B3GLCT: variants seen among roughly 807,000 people sequenced by gnomAD.
The protein encoded by B3GLCT is beta 3-glucosyltransferase.
In B3GLCT, 65 loss-of-function variants were observed where a neutral mutation model predicts 63.4. That is an observed-to-expected ratio of 1.03 (90% CI 0.84 to 1.26). The LOEUF (loss-of-function observed/expected upper bound fraction) is 1.26. Among genes scored for constraint, B3GLCT ranks in the 50% most tolerant of loss-of-function variants. B3GLCT has a pLI of 0.00. For synonymous variants in B3GLCT, 233 were observed against 219.2 expected, an observed-to-expected ratio of 1.06 and a Z score of -0.55; for missense variants, 577 against 604.8, an observed-to-expected ratio of 0.95 and a Z score of 0.48.
chr13:31,222,074 A>ATTT (rs5802597), intron 2 of B3GLCT, among the ~76,000 whole-genome samples: 58 of 92,952 alleles, frequency 6.2e-4, no homozygotes, highest in African/African-American at 2.2e-3. Context: ...TGTGCTCCTG[A>ATTT]TTTTTTTTTT....
chr13:31,282,697 G>A (rs1408947560), intron 10 of B3GLCT, among the ~76,000 whole-genome samples: 2 of 151,876 alleles, frequency 1.3e-5, no homozygotes, highest in East Asian at 3.9e-4. Flanking sequence ...TATTGACAAG[G>A]GGAGAGATGT....
At chr13:31,241,333 T>G (rs974930401) in intron 4 of B3GLCT, among the ~76,000 whole-genome samples, 1 of 152,162 alleles carries the variant, frequency 6.6e-6, no homozygotes, top group African/African-American at 2.4e-5. Context: ...ACCCCAAGAA[T>G]CAGGTAGCTT....
chr13:31,292,875 T>G (rs1873751196), intron 12 of B3GLCT, among the ~76,000 whole-genome samples: 1 of 152,134 alleles, frequency 6.6e-6, no homozygotes, highest in Admixed American at 6.6e-5. Flanking sequence ...TGCTCTTTCT[T>G]CTCTAGTTCT....
At chr13:31,287,857 G>A (rs1206732790) in intron 12 of B3GLCT, among the ~76,000 whole-genome samples, 1 of 152,130 alleles carries the variant, frequency 6.6e-6, no homozygotes, top group Non-Finnish European at 1.5e-5. Context: ...CTTGATTGAG[G>A]TGAAAAACCC....
intron 8 of B3GLCT, among the ~76,000 whole-genome samples, chr13:31,271,706 A>G (rs1236964895): frequency 6.6e-6 from 1 of 152,072 alleles, no homozygotes; most frequent in Non-Finnish European, 1.5e-5. Flanking sequence ...TGCTTTTCAG[A>G]TATTTTCTTC....
intron 6 of B3GLCT, among the ~76,000 whole-genome samples, chr13:31,249,074 C>T (rs559100308): frequency 1.4e-4 from 21 of 152,152 alleles, no homozygotes; most frequent in Non-Finnish European, 2.4e-4. Context: ...AATGCTCGCT[C>T]CTGAGATGAA....
intron 6 of B3GLCT, among the ~76,000 whole-genome samples, chr13:31,254,052 A>G (rs901414319): frequency 1.3e-5 from 2 of 152,232 alleles, no homozygotes; most frequent in Non-Finnish European, 2.9e-5. Flanking sequence ...ACCAAACAAA[A>G]AAAGTCCGGG....
chr13:31,295,430 C>T (rs1356929387), intron 12 of B3GLCT, among the ~76,000 whole-genome samples: 1 of 152,200 alleles, frequency 6.6e-6, no homozygotes, highest in Non-Finnish European at 1.5e-5. Context: ...CCCCTTCCCC[C>T]AGGTGCTCTG....
chr13:31,301,427 T>G (rs1874217532), intron 12 of B3GLCT, among the ~76,000 whole-genome samples: 1 of 152,232 alleles, frequency 6.6e-6, no homozygotes, highest in Admixed American at 6.5e-5. Context: ...CAGTACTGGA[T>G]AGGGGGAACA....
At chr13:31,321,727 C>T (rs1219352826) in intron 13 of B3GLCT, among the ~76,000 whole-genome samples, 2 of 152,230 alleles carry the variant, frequency 1.3e-5, no homozygotes, top group East Asian at 1.9e-4. Flanking sequence ...AGGTATTTTG[C>T]GTTGTTTGGA....
At chr13:31,317,795 A>G in intron 13 of B3GLCT, 110 bp downstream of exon 13, 3 of 1,327,042 alleles carry the variant, frequency 2.3e-6, no homozygotes, top group Non-Finnish European at 2.1e-6. Context: ...TACTCTGTGA[A>G]TGGTGGTTGT....
intron 8 of B3GLCT, among the ~76,000 whole-genome samples, chr13:31,272,642 C>T (rs978422503): frequency 6.6e-6 from 1 of 152,126 alleles, no homozygotes; most frequent in Non-Finnish European, 1.5e-5. Context: ...AAATATTTAA[C>T]ATGCTTTCTT....
intron 12 of B3GLCT, among the ~76,000 whole-genome samples, chr13:31,310,494 C>A (rs1427631541): frequency 6.6e-6 from 1 of 152,154 alleles, no homozygotes; most frequent in Admixed American, 6.5e-5. Flanking sequence ...CTTCTAGGGG[C>A]CTAGACCTCA....
chr13:31,281,182 C>G (rs1873050911), intron 10 of B3GLCT, among the ~76,000 whole-genome samples: 1 of 152,158 alleles, frequency 6.6e-6, no homozygotes, highest in Non-Finnish European at 1.5e-5. Context: ...CAGTCTCCCT[C>G]TAATTAAAGA....
At position 31,323,889 on chromosome 13, in the gene B3GLCT, C is replaced by G. The variant is rs547723685; in HGVS notation, c.1323C>G (p.Phe441Leu). ...LGIPVTHSPLFHQARPVDYPK... is the reference protein window; with the variant it reads ...LGIPVTHSPLLHQARPVDYPK... ...TCCCTGTGACACACAGCCCTCTCTT[C>G]CATCAGGTGAGGAAATGGTTTTTAT... Residue 441 changes from phenylalanine to leucine, a missense_variant, in exon 14 of 15, where the codon TTC becomes TTG. Physicochemically the swap from Phe to Leu is conservative, Grantham distance 22. Coordinates refer to ENST00000343307, the MANE Select transcript of B3GLCT (RefSeq NM_194318.4). 5.1e-5 allele frequency: 83 copies of G among 1,614,176 alleles called. 1 individual carries two copies. In the South Asian group the frequency reaches 9.0e-4, roughly 18 times the overall value.
rs527458691 is a variant in B3GLCT, at chr13:31,212,110, T to A, written c.71-2941T>A. 4.6e-3 allele frequency among the ~76,000 whole-genome samples: 634 copies of A among 138,938 alleles called. 8 individuals are homozygous for A. Among genetic ancestry groups the A allele is most frequent in the South Asian group, 0.033 (149 of 4,498 alleles). 91.1% of individuals were successfully genotyped at this position (138,938 alleles called of 152,430 possible). On this transcript the variant is annotated intron_variant, in intron 1 of 14. Coordinates refer to ENST00000343307, the MANE Select transcript of B3GLCT (RefSeq NM_194318.4). ...TAATTCGGGAGGGGTAGATGGAAAA[T>A]TTTTTTTTTTTTTGAGACAGAGTCT...
At chr13:31,255,413 G>C (rs1412947171) in intron 6 of B3GLCT, among the ~76,000 whole-genome samples, 1 of 152,124 alleles carries the variant, frequency 6.6e-6, no homozygotes, top group Non-Finnish European at 1.5e-5. Context: ...TCCTCATCAA[G>C]CTACCATTGA....
chr13:31,269,137 A>G, intron 7 of B3GLCT, 77 bp from the exon 8 acceptor site: 2 of 958,616 alleles, frequency 2.1e-6, no homozygotes, highest in Non-Finnish European at 3.4e-6. Flanking sequence ...TTCAAACACT[A>G]GAAAGTCTCA....
At position 31,286,794 on chromosome 13, in the gene B3GLCT, A is replaced by G. The variant is rs745851035; in HGVS notation, c.1039A>G (p.Ile347Val). The change falls in exon 12 of 15, where the codon ATT becomes GTT. Residue 347 changes from isoleucine to valine, a missense_variant. Coordinates refer to ENST00000343307, the MANE Select transcript of B3GLCT (RefSeq NM_194318.4). ...CCAGGACAAAACAGCATGGTTAGTCATTGTGGATGATGATACATTAATAAG... is the reference window on the plus strand; with the variant it reads ...CCAGGACAAAACAGCATGGTTAGTCGTTGTGGATGATGATACATTAATAAG... ...RSQDKTAWLVIVDDDTLISIS... is the reference protein window; with the variant it reads ...RSQDKTAWLVVVDDDTLISIS... The G allele has an allele frequency of 6.2e-7, 1 of 1,612,182 alleles. No homozygotes were observed. The highest frequency in any genetic ancestry group is 8.5e-7 in the Non-Finnish European group (1 of 1,178,396).
Sources: gnomAD v4.1 joint callset for allele counts (sites outside exome capture counted in the v4.1 genomes callset) on GRCh38, gnomAD v4.1.1 for gene constraint, MANE v1.5 for transcripts, NCBI Gene and HGNC (gene_info 2026-07-23, HGNC 2026-07-21) for gene names.